DLG2: variants seen among roughly 807,000 people sequenced by gnomAD.
DLG2 encodes the protein disks large homolog 2.
A neutral mutation model predicts 132.5 loss-of-function variants in DLG2; 45 were observed. That is an observed-to-expected ratio of 0.34 (90% CI 0.27 to 0.44). The LOEUF (loss-of-function observed/expected upper bound fraction) is 0.44, where lower values mean the gene tolerates loss of function less well. Among genes scored for constraint, DLG2 ranks in the 20% least tolerant of loss-of-function variants. The probability of loss-of-function intolerance (pLI) is 1.00; values close to 1 mark genes in which losing one functional copy is unlikely to be tolerated. For missense variants in DLG2, 1,045 were observed against 1,196.9 expected (o/e 0.87, Z 1.87); for synonymous variants, 424 against 419.6 (o/e 1.01, Z -0.13).
intron 4 of DLG2, among the ~76,000 whole-genome samples, chr11:85,266,032 C>T (rs948600902): frequency 6.6e-6 from 1 of 152,220 alleles, no homozygotes; most frequent in Non-Finnish European, 1.5e-5. Flanking sequence ...TGGCCCTTTG[C>T]TCTCACTGAC....
intron 6 of DLG2, among the ~76,000 whole-genome samples, chr11:84,901,330 AAACTGAG>A (rs1455816097): frequency 6.6e-6 from 1 of 152,026 alleles, no homozygotes; most frequent in Non-Finnish European, 1.5e-5. Context: ...GAATTTAATG[AAACTGAG>A]AGCTAGGTCT....
chr11:83,850,879 C>T (rs888069465), intron 16 of DLG2, among the ~76,000 whole-genome samples: 1 of 152,014 alleles, frequency 6.6e-6, no homozygotes, highest in Non-Finnish European at 1.5e-5. Context: ...TGTCTCCAAC[C>T]CTAAAGAAAT....
At chr11:84,851,425 A>G (rs745588369) in intron 6 of DLG2, among the ~76,000 whole-genome samples, 1 of 152,086 alleles carries the variant, frequency 6.6e-6, no homozygotes, top group Non-Finnish European at 1.5e-5. Context: ...CTCAGTTCCT[A>G]TTAACTCACT....
Position 84,529,123 on chromosome 11 carries a change from G to C in DLG2, c.519+5447C>G, listed in dbSNP as rs149848922. Among the ~76,000 whole-genome samples, 1,520 of 152,198 alleles carry C rather than the reference G, an allele frequency of 1.0e-2. 28 individuals carry two copies. Among genetic ancestry groups the C allele is most frequent in the African/African-American group, 0.034 (1,405 of 41,510 alleles). On this transcript the variant is annotated intron_variant, in intron 7 of 27. Transcript: ENST00000376104. ...CTATTACTATTGGTGTTGAAGGAGA[G>C]ATACACAGAGTGTCTTTACTAAGAC...
At chr11:84,534,444 T>C in intron 7 of DLG2, 126 bp downstream of exon 7, 1 of 925,648 alleles carries the variant, frequency 1.1e-6, no homozygotes. Context: ...AAAGACCCTT[T>C]GGCAACCCGT....
chr11:83,608,751 AAG>A (rs35660113), intron 19 of DLG2, among the ~76,000 whole-genome samples: 9 of 151,170 alleles, frequency 6.0e-5, no homozygotes, highest in African/African-American at 1.7e-4. Context: ...GAGAGAGAGA[AAG>A]AGAGAGAGAG....
intron 20 of DLG2, among the ~76,000 whole-genome samples, chr11:83,535,111 G>A (rs2095849495): frequency 6.6e-6 from 1 of 152,198 alleles, no homozygotes; most frequent in African/African-American, 2.4e-5. Flanking sequence ...CCTCCTTTGA[G>A]CTTCATCACT....
chr11:83,678,576 G>A (rs2153591055), intron 18 of DLG2, among the ~76,000 whole-genome samples: 1 of 152,252 alleles, frequency 6.6e-6, no homozygotes, highest in African/African-American at 2.4e-5. Context: ...CTCAGACTCA[G>A]GGGCAACGGG....
chr11:84,118,023 T>G (rs1260470586), intron 9 of DLG2, among the ~76,000 whole-genome samples: 1 of 151,782 alleles, frequency 6.6e-6, no homozygotes, highest in Non-Finnish European at 1.5e-5. Flanking sequence ...CCTCAGCTAA[T>G]TTTTTGTATT....
rs139605664 is a variant in DLG2, at chr11:84,487,923, T to A, written c.519+46647A>T. On this transcript the variant is annotated intron_variant, in intron 7 of 27. Coordinates refer to ENST00000376104, the MANE Select transcript of DLG2 (RefSeq NM_001142699.3). ...GGAAGGAAAAAGCACCTAATGTATT[T>A]CAGGAAGATAATCCCATTTTATTGG... is the stretch of plus-strand genomic sequence containing the variant. Among the ~76,000 whole-genome samples the A allele has an allele frequency of 3.2e-4, 49 of 152,264 alleles. 2 individuals carry two copies. In the East Asian group the frequency reaches 6.4e-3, roughly 20 times the overall value.
intron 5 of DLG2, among the ~76,000 whole-genome samples, chr11:85,123,859 C>G (rs190669260): frequency 6.6e-6 from 1 of 152,184 alleles, no homozygotes; most frequent in African/African-American, 2.4e-5. Flanking sequence ...CTGGTACTAT[C>G]TTTGAACGCA....
chr11:84,972,150 CTT>C (rs2054190468), intron 6 of DLG2, among the ~76,000 whole-genome samples: 1 of 152,108 alleles, frequency 6.6e-6, no homozygotes, highest in Non-Finnish European at 1.5e-5. Context: ...TAAAAGACCT[CTT>C]TACCTGTGCT....
At chr11:84,278,121 C>T (rs1036798780) in intron 7 of DLG2, among the ~76,000 whole-genome samples, 11 of 140,410 alleles carry the variant, frequency 7.8e-5, no homozygotes, top group Admixed American at 7.6e-5. Flanking sequence ...CTCCTGGCTT[C>T]AAGCAATCCT....
intron 14 of DLG2, 74 bp downstream of exon 14, chr11:83,962,811 C>T (rs1251650201): frequency 2.6e-6 from 4 of 1,566,832 alleles, no homozygotes; most frequent in Non-Finnish European, 3.5e-6. Context: ...CAAAACAACA[C>T]CTGACATGTT....
chr11:84,495,084 G>A (rs183358735), intron 7 of DLG2, among the ~76,000 whole-genome samples: 20 of 152,052 alleles, frequency 1.3e-4, no homozygotes, highest in Middle Eastern at 3.4e-3. Context: ...CAGTTGTGTC[G>A]CTCATTTGCT....
At chr11:85,381,848 A>G (rs1380583510) in intron 3 of DLG2, among the ~76,000 whole-genome samples, 1 of 152,174 alleles carries the variant, frequency 6.6e-6, no homozygotes, top group Non-Finnish European at 1.5e-5. Context: ...AAGTAAAGAT[A>G]TAGATAAACA....
chr11:85,005,188 T>C (rs2058544466), intron 6 of DLG2, among the ~76,000 whole-genome samples: 1 of 152,228 alleles, frequency 6.6e-6, no homozygotes, highest in Non-Finnish European at 1.5e-5. Flanking sequence ...TCTTTTTGCT[T>C]AGGATTGTTT....
intron 6 of DLG2, among the ~76,000 whole-genome samples, chr11:84,802,382 A>G (rs2075502586): frequency 6.6e-6 from 1 of 152,098 alleles, no homozygotes; most frequent in African/African-American, 2.4e-5. Flanking sequence ...CAGCAGCAGC[A>G]GCAGCAGCAG....
At chr11:84,252,915 G>C (rs1255374286) in intron 7 of DLG2, among the ~76,000 whole-genome samples, 2 of 152,160 alleles carry the variant, frequency 1.3e-5, no homozygotes, top group Non-Finnish European at 2.9e-5. Flanking sequence ...GGAGTTAACA[G>C]AGTTAACAGC....
Sources: allele counts gnomAD v4.1 joint callset (sites outside exome capture counted in the v4.1 genomes callset), GRCh38; gene constraint gnomAD v4.1.1; transcripts MANE v1.5; gene names NCBI Gene and HGNC (gene_info 2026-07-23, HGNC 2026-07-21).